Variants in VARS2 observed in about 807,000 individuals in gnomAD.
VARS2 encodes the protein valine--tRNA ligase, mitochondrial.
Under a neutral mutation model 154.1 loss-of-function variants are expected in VARS2, and 105 were observed. The observed-to-expected ratio is 0.68, with a 90% CI of 0.58 to 0.80. VARS2 has a LOEUF of 0.80. Among genes scored for constraint, VARS2 ranks in the 30% least tolerant of loss-of-function variants. The pLI, the probability that VARS2 is intolerant of heterozygous loss-of-function variation, is 0.00. For missense variants in VARS2, 1,157 were observed against 1,361.4 expected, an observed-to-expected ratio of 0.85 and a Z score of 2.36; for synonymous variants, 483 against 539.5, an observed-to-expected ratio of 0.90 and a Z score of 1.45.
Position 30,914,347 on chromosome 6 carries a change from G to A in VARS2, c.-28+3G>A, listed in dbSNP as rs962702791. On this transcript the variant is annotated splice_donor_region_variant and intron_variant, in intron 1 of 29. Coordinates refer to ENST00000676266, the MANE Select transcript of VARS2 (RefSeq NM_020442.6). ...TGGGATAGCGGCGGGGCCTCCTGGT[G>A]AGCGCGCGCCGGGGCGGCCTCCGGG... 9.7e-6 allele frequency: 12 copies of A among 1,242,682 alleles called. No homozygotes were observed. The highest frequency in any genetic ancestry group is 1.2e-5 in the Non-Finnish European group (12 of 992,894). The allele number at this position is 1,242,682 out of a possible 1,614,324, so 77.0% of individuals were successfully genotyped here. A position where few individuals can be genotyped will look rare whatever the true frequency, so the allele number is the denominator to read the frequency against.
Position 30,916,249 on chromosome 6 carries a change from C to T in VARS2, c.671C>T (p.Ala224Val), listed in dbSNP as rs760026330. The change falls in exon 7 of 30, where the codon GCG becomes GTG. Residue 224 changes from alanine (A) to valine (V), a missense_variant and splice_region_variant. Ala to Val is a moderately conservative substitution (Grantham distance 64). Transcript: ENST00000676266. This position sits in a 1 kb window ranked among gnomAD's most constrained non-coding sequence, Gnocchi z 4.0. ...FLREVWQWKE[A>V]KGGEICEQLR... Reference sequence around the variant, plus strand: ...AGGGAGGTGTGGCAGTGGAAGGAGGCGTGAGTATGATGGGCAGGACTCGGG... The same window carrying T: ...AGGGAGGTGTGGCAGTGGAAGGAGGTGTGAGTATGATGGGCAGGACTCGGG... The T allele has an allele frequency of 9.9e-6, 16 of 1,610,750 alleles. No individual in the cohort carries two copies. The highest frequency in any genetic ancestry group is 2.7e-5 in the African/African-American group (2 of 74,636).
At chr6:30,924,690 T>C in intron 26 of VARS2, 130 bp downstream of exon 26, 1 of 618,378 alleles carries the variant, frequency 1.6e-6, no homozygotes, top group East Asian at 2.8e-5. Context: ...GGAAGATGGA[T>C]TGTTCCTGCA....
At position 30,924,549 on chromosome 6, in the gene VARS2, G is replaced by A. The variant is rs752136645; in HGVS notation, c.2662G>A (p.Ala888Thr). ...CATCTCGGTTGCCCCCTACCCCAGCGCCTGCAGCTTGGTGAGTCCCAAGCA... is the reference window on the plus strand; with the variant it reads ...CATCTCGGTTGCCCCCTACCCCAGCACCTGCAGCTTGGTGAGTCCCAAGCA... ...PSISVAPYPS[A>T]CSLEHWRQPE... Residue 888 changes from alanine to threonine, a missense_variant, in exon 26 of 30, where the codon GCC becomes ACC. Coordinates refer to ENST00000676266, the MANE Select transcript of VARS2 (RefSeq NM_020442.6). 7 of 1,530,544 alleles carry A rather than the reference G, an allele frequency of 4.6e-6. No individual in the cohort carries two copies. The highest frequency in any genetic ancestry group is 1.2e-5 in the South Asian group (1 of 80,574). The allele number at this position is 1,530,544 out of a possible 1,614,324, so 94.8% of individuals were successfully genotyped here.
rs771250668 is a variant in VARS2, at chr6:30,920,633, G to A, written c.1398-35G>A. The A allele has an allele frequency of 1.7e-5, 26 of 1,498,786 alleles. No homozygotes were observed. Among genetic ancestry groups the A allele is most frequent in the South Asian group, 5.1e-5 (4 of 77,674 alleles). The allele number at this position is 1,498,786 out of a possible 1,614,324, so 92.8% of individuals were successfully genotyped here. Reference sequence around the variant, plus strand: ...TGCCCCTGGGAGAAGTCACAGGGCCGGAAGAGCAGTGGACTCACCCTGTCT... The same window carrying A: ...TGCCCCTGGGAGAAGTCACAGGGCCAGAAGAGCAGTGGACTCACCCTGTCT... On this transcript the variant is annotated intron_variant, in intron 14 of 29. Coordinates refer to ENST00000676266, the MANE Select transcript of VARS2 (RefSeq NM_020442.6). The surrounding 1 kb of genome is among the most constrained non-coding windows in gnomAD (Gnocchi z 4.6).
Position 30,915,209 on chromosome 6 carries a change from A to C in VARS2, c.255A>C (p.Glu85Asp). 6.2e-7 allele frequency: 1 copy of C among 1,614,212 alleles called. No homozygotes were observed. The highest frequency in any genetic ancestry group is 8.5e-7 in the Non-Finnish European group (1 of 1,180,036). The change falls in exon 3 of 30, where the codon GAA (glutamate) becomes GAC (aspartate). Residue 85 changes from glutamate (E) to aspartate (D), a missense_variant. Transcript: ENST00000676266. ...AWRPKELVLY[E>D]IPTKPGEKKD... ...GGCCTAAGGAGTTAGTATTGTATGA[A>C]ATCCCTACGAAACCCGGTGAAAAGA...
In VARS2 at chr6:30,917,733, A is replaced by G. The variant is rs773442834; in HGVS notation, c.912A>G (p.Arg304=). The G allele has an allele frequency of 2.6e-6, 4 of 1,568,064 alleles. No homozygotes were observed. The Admixed American group carries it at 5.6e-5, about 22-fold the overall frequency. ...NRPLPGHTQL[R]LPGCPTPVSF... ...CCCTGCCTGGCCACACACAGCTTCG[A>G]CTGCCTGGCTGCCCCACCCCCGTGT... The change falls in exon 10 of 30, where the codon CGA becomes CGG. Residue 304 remains arginine (R), a synonymous_variant. Transcript: ENST00000676266. This position sits in a 1 kb window ranked among gnomAD's most constrained non-coding sequence, Gnocchi z 4.4.
chr6:30,915,700 C>G (rs1344403022), intron 4 of VARS2, 46 bp from the exon 5 acceptor site: 6 of 1,607,408 alleles, frequency 3.7e-6, no homozygotes, highest in Non-Finnish European at 5.1e-6. Flanking sequence ...TGCTCTTTCC[C>G]CAATCCAATT....
rs1794221721 is a variant in VARS2 at position 30,917,062 on chromosome 6, G to A, written c.754-43G>A. ...CCTGGGTCCCTGAGCAGGGTGATGG[G>A]CTGAGAAGTGGCTCTTAGAGGTGGA... is the stretch of plus-strand genomic sequence containing the variant. On this transcript the variant is annotated intron_variant, in intron 8 of 29. Transcript: ENST00000676266. This position sits in a 1 kb window ranked among gnomAD's most constrained non-coding sequence, Gnocchi z 4.4. The A allele has an allele frequency of 2.5e-6, 4 of 1,614,200 alleles. No individual in the cohort carries two copies. Among genetic ancestry groups the A allele is most frequent in the Non-Finnish European group, 3.4e-6 (4 of 1,180,016 alleles).
chr6:30,917,243 A>G lies in VARS2; in HGVS notation c.873+19A>G. On this transcript the variant is annotated intron_variant, in intron 9 of 29. Transcript: ENST00000676266. This position sits in a 1 kb window ranked among gnomAD's most constrained non-coding sequence, Gnocchi z 4.4. ...CATTGAGGTGAGGCGGAGAGAGGGA[A>G]GCAGGTTTGTGAGAGCTCTGAGGCA... 6.2e-7 allele frequency: 1 copy of G among 1,613,988 alleles called. No individual in the cohort carries two copies. Among genetic ancestry groups the G allele is most frequent in the Non-Finnish European group, 8.5e-7 (1 of 1,180,024 alleles).
In VARS2 at chr6:30,917,037, C is replaced by T. The variant is rs576965231; in HGVS notation, c.754-68C>T. ...TGTGTGGGGCAGGGAGGAAGCAATG[C>T]CTGGGTCCCTGAGCAGGGTGATGGG... On this transcript the variant is annotated intron_variant, in intron 8 of 29. Coordinates refer to ENST00000676266, the MANE Select transcript of VARS2 (RefSeq NM_020442.6). This position sits in a 1 kb window ranked among gnomAD's most constrained non-coding sequence, Gnocchi z 4.4. 2.0e-4 allele frequency: 328 copies of T among 1,613,488 alleles called. No individual in the cohort carries two copies. The South Asian group carries it at 3.2e-3, about 16-fold the overall frequency.
rs774439550 is a variant in VARS2 at position 30,925,912 on chromosome 6, G to C, written c.2994G>C (p.Leu998=). The change falls in exon 29 of 30, where the codon CTG becomes CTC. Residue 998 remains leucine (L), a synonymous_variant. Coordinates refer to ENST00000676266, the MANE Select transcript of VARS2 (RefSeq NM_020442.6). ...GLVDPQIQLP[L]LAARRYKLQK... ...TGGACCCGCAGATCCAGCTACCTCT[G>C]TTAGCCGCCCGAAGGTACAAGTTGC... The C allele has an allele frequency of 6.2e-6, 10 of 1,612,926 alleles. No individual in the cohort carries two copies. The South Asian group carries it at 1.1e-4, about 18-fold the overall frequency.
Position 30,924,171 on chromosome 6 carries a change from C to G in VARS2, c.2467-183C>G. The G allele has an allele frequency of 4.8e-6, 3 of 622,260 alleles. No individual in the cohort carries two copies. In the South Asian group the frequency reaches 5.8e-5, roughly 12 times the overall value. The allele number at this position is 622,260 out of a possible 1,614,324, so 38.5% of individuals were successfully genotyped here. A position where few individuals can be genotyped will look rare whatever the true frequency, so the allele number is the denominator to read the frequency against. ...CTGTGTACTGCAGAGAATTGCTGTC[C>G]TGGAGTCCCCTTCTTTGTGCTGAGT... On this transcript the variant is annotated intron_variant, in intron 25 of 29. Transcript: ENST00000676266.
At chr6:30,925,505 G>T in intron 27 of VARS2, 39 bp from the exon 28 acceptor site, 1 of 1,557,964 alleles carries the variant, frequency 6.4e-7, no homozygotes. Flanking sequence ...AGGGAGGCAG[G>T]AGCTGAGGCC....
chr6:30,915,064 G>A, intron 2 of VARS2, 27 bp downstream of exon 2: 1 of 1,612,726 alleles, frequency 6.2e-7, no homozygotes, highest in Non-Finnish European at 8.5e-7. Context: ...CTTGTCCTTG[G>A]GTTTCTGAGA....
At chr6:30,925,151 T>C in intron 26 of VARS2, 123 bp from the exon 27 acceptor site, 1 of 572,220 alleles carries the variant, frequency 1.7e-6, no homozygotes, top group Non-Finnish European at 3.0e-6. Context: ...TTTTCTGTGG[T>C]GCTGAGGACA....
In VARS2 at chr6:30,923,340, C is replaced by G. The variant is rs760836143; in HGVS notation, c.2314-13C>G. 20 of 1,607,866 alleles carry G rather than the reference C, an allele frequency of 1.2e-5. No homozygotes were observed. The highest frequency in any genetic ancestry group is 1.7e-5 in the Admixed American group (1 of 59,902). ...GAGGGGGAGTCAGGCCATCCTGCCC[C>G]CTCTGCCTGCAGCTGTCTCCCTCCT... is the stretch of plus-strand genomic sequence containing the variant. On this transcript the variant is annotated splice_polypyrimidine_tract_variant and intron_variant, in intron 24 of 29. Transcript: ENST00000676266.
chr6:30,914,562 A>G, intron 1 of VARS2: 1 of 1,336,582 alleles, frequency 7.5e-7, no homozygotes. Context: ...CCTATCTCTC[A>G]TGTGTCAGTG....
At position 30,925,360 on chromosome 6, in the gene VARS2, C is replaced by A; in HGVS notation, c.2760C>A (p.Tyr920Ter). The change falls in exon 27 of 30, where the codon TAC (tyrosine) becomes TAA (stop). Residue 920 changes from tyrosine (Y) to a stop codon, truncating the protein, a stop_gained. Coordinates refer to ENST00000676266, the MANE Select transcript of VARS2 (RefSeq NM_020442.6). LOFTEE classifies it high-confidence loss of function. ...TGCTAAGGGCTCTCCGAGCCACGTA[C>A]CAGCTCACCAAAGCCCGGCCCCGAG... ...VQVLRALRAT[Y>*]QLTKARPRVL... 6.2e-7 allele frequency: 1 copy of A among 1,611,652 alleles called. No homozygotes were observed. The highest frequency in any genetic ancestry group is 8.5e-7 in the Non-Finnish European group (1 of 1,179,226).
rs768087106 is a variant in VARS2 at position 30,921,569 on chromosome 6, A to G, written c.1633-20A>G. On this transcript the variant is annotated intron_variant, in intron 17 of 29. Transcript: ENST00000676266. The surrounding 1 kb of genome is among the most constrained non-coding windows in gnomAD (Gnocchi z 4.6). ...CAGCTGTTCTTCCTCACTCTCCCCA[A>G]CCCCTTCCTACTTTTGCAGGGAGAA... is the stretch of plus-strand genomic sequence containing the variant. The G allele has an allele frequency of 6.3e-7, 1 of 1,591,838 alleles. No individual in the cohort carries two copies. Among genetic ancestry groups the G allele is most frequent in the South Asian group, 1.1e-5 (1 of 87,500 alleles).
Sources: allele counts gnomAD v4.1 joint callset, GRCh38; gene constraint gnomAD v4.1.1; non-coding constraint Gnocchi (gnomAD v3.1); transcripts MANE v1.5; gene names NCBI Gene and HGNC (gene_info 2026-07-23, HGNC 2026-07-21).